Variants in SERAC1 observed in about 807,000 individuals in gnomAD.
The protein encoded by SERAC1 is protein SERAC1.
Under a neutral mutation model 85.7 loss-of-function variants are expected in SERAC1, and 36 were observed. The ratio of observed to expected loss-of-function variants is 0.42; its 90% CI spans 0.32 to 0.55. The LOEUF (loss-of-function observed/expected upper bound fraction) is 0.55. Ranked by LOEUF, SERAC1 falls within the 20% of genes least tolerant of loss-of-function variation. The pLI is 0.11. For synonymous variants in SERAC1, 242 were observed against 265.3 expected, an observed-to-expected ratio of 0.91 and a Z score of 0.85; for missense variants, 629 against 796.2, an observed-to-expected ratio of 0.79 and a Z score of 2.53.
rs1416647965 is a variant in SERAC1 at position 158,110,875 on chromosome 6, C to CT, written c.*490dup. On this transcript the variant is annotated 3_prime_UTR_variant, in exon 17 of 17. Transcript: ENST00000647468. Reference sequence around the variant, plus strand: ...GTGTCAGATAAAAGGTAGAACTGAGCTAAAAACTCAAACTTTAAAAATGTA... The same window carrying CT: ...GTGTCAGATAAAAGGTAGAACTGAGCTTAAAAACTCAAACTTTAAAAATGTA... 2 of 152,278 alleles carry CT rather than the reference C, an allele frequency of 1.3e-5. No homozygotes were observed. The highest frequency in any genetic ancestry group is 4.8e-5 in the African/African-American group (2 of 41,456). The allele number at this position is 152,278 out of a possible 1,614,324, so 9.4% of individuals were successfully genotyped here.
intron 1 of SERAC1, among the ~76,000 whole-genome samples, chr6:158,167,314 G>T (rs1785624497): frequency 6.7e-6 from 1 of 150,330 alleles, no homozygotes; most frequent in Admixed American, 6.6e-5. Flanking sequence ...CGAGGCGGGG[G>T]ATCACCTGAT....
intron 2 of SERAC1, among the ~76,000 whole-genome samples, chr6:158,155,872 C>T (rs1785319262): frequency 1.3e-5 from 2 of 152,276 alleles, no homozygotes; most frequent in South Asian, 4.1e-4. Context: ...AGGCCGGGTG[C>T]GGTGGCTCAC....
chr6:158,162,879 T>C (rs751251334), intron 1 of SERAC1, among the ~76,000 whole-genome samples: 1 of 152,158 alleles, frequency 6.6e-6, no homozygotes, highest in Non-Finnish European at 1.5e-5. Context: ...ATAACCATGA[T>C]CTTTGGTAGT....
chr6:158,111,334 A>AT lies in SERAC1; in HGVS notation c.*31dup. On this transcript the variant is annotated 3_prime_UTR_variant, in exon 17 of 17. Transcript: ENST00000647468. Reference sequence around the variant, plus strand: ...CAGAACACCAAGTTTCTTGCACTGAATTCACATATGAAAACTGGAAGAGCA... The same window carrying AT: ...CAGAACACCAAGTTTCTTGCACTGAATTTCACATATGAAAACTGGAAGAGCA... The AT allele has an allele frequency of 6.4e-7, 1 of 1,551,520 alleles. No individual in the cohort carries two copies. Among genetic ancestry groups the AT allele is most frequent in the Non-Finnish European group, 8.7e-7 (1 of 1,154,452 alleles).
rs1784122384 is a variant in SERAC1 at position 158,110,613 on chromosome 6, T to C, written c.*753A>G. On this transcript the variant is annotated 3_prime_UTR_variant, in exon 17 of 17. Transcript: ENST00000647468. Reference sequence around the variant, plus strand: ...AATCTGAGAATCTTGATACTAAGAATTGCTAATTCATATAATGGCTTAGAA... The same window carrying C: ...AATCTGAGAATCTTGATACTAAGAACTGCTAATTCATATAATGGCTTAGAA... 2 of 152,216 alleles carry C rather than the reference T, an allele frequency of 1.3e-5. No individual in the cohort carries two copies. Among genetic ancestry groups the C allele is most frequent in the Non-Finnish European group, 2.9e-5 (2 of 68,040 alleles). 9.4% of individuals were successfully genotyped at this position (152,216 alleles called of 1,614,324 possible).
chr6:158,118,877 T>C (rs969445921), intron 12 of SERAC1, 152 bp downstream of exon 12: 4 of 864,098 alleles, frequency 4.6e-6, no homozygotes, highest in Non-Finnish European at 6.9e-6. Flanking sequence ...ACAAGCCCAG[T>C]TGTTGTCAAA....
At chr6:158,126,894 GT>G (rs1222619142) in intron 10 of SERAC1, among the ~76,000 whole-genome samples, 2 of 151,888 alleles carry the variant, frequency 1.3e-5, no homozygotes, top group Non-Finnish European at 2.9e-5. Context: ...TCTACAAAAA[GT>G]TTTTCAAATT....
chr6:158,132,518 C>T (rs1374681324), intron 8 of SERAC1, among the ~76,000 whole-genome samples: 1 of 152,112 alleles, frequency 6.6e-6, no homozygotes, highest in Non-Finnish European at 1.5e-5. Context: ...ATCGCCACAT[C>T]CTGGCTCCCC....
chr6:158,113,997 C>G (rs139037673), intron 15 of SERAC1, among the ~76,000 whole-genome samples: 1 of 152,050 alleles, frequency 6.6e-6, no homozygotes, highest in Non-Finnish European at 1.5e-5. Flanking sequence ...AAAGAGCAAC[C>G]AAGAGGCACC....
In SERAC1 at chr6:158,117,368, A is replaced by G; in HGVS notation, c.1403+359T>C. 1.4e-6 allele frequency: 1 copy of G among 705,720 alleles called. No homozygotes were observed. Among genetic ancestry groups the G allele is most frequent in the East Asian group, 2.7e-5 (1 of 36,886 alleles). 43.7% of individuals were successfully genotyped at this position (705,720 alleles called of 1,614,324 possible). A position where few individuals can be genotyped will look rare whatever the true frequency, so the allele number is the denominator to read the frequency against. On this transcript the variant is annotated intron_variant, in intron 13 of 16. Coordinates refer to ENST00000647468, the MANE Select transcript of SERAC1 (RefSeq NM_032861.4). This position sits in a 1 kb window ranked among gnomAD's most constrained non-coding sequence, Gnocchi z 4.3. ...GAAATAGCAGCTGATATTTCTCAGCATCTTTCTCTTTGCTTCCTTTAGCCA... is the reference window on the plus strand; with the variant it reads ...GAAATAGCAGCTGATATTTCTCAGCGTCTTTCTCTTTGCTTCCTTTAGCCA...
At chr6:158,129,615 C>A (rs1784622215) in intron 9 of SERAC1, among the ~76,000 whole-genome samples, 1 of 151,932 alleles carries the variant, frequency 6.6e-6, no homozygotes, top group Non-Finnish European at 1.5e-5. Flanking sequence ...TTCTATGGTA[C>A]CAAAGAGTTT....
chr6:158,115,659 C>T (rs557701574), intron 14 of SERAC1, among the ~76,000 whole-genome samples: 5 of 152,212 alleles, frequency 3.3e-5, no homozygotes, highest in African/African-American at 1.2e-4. Context: ...CTGGGGGAGT[C>T]GCACACAGGG....
intron 1 of SERAC1, among the ~76,000 whole-genome samples, chr6:158,167,070 A>C (rs189283573): frequency 6.6e-6 from 1 of 152,226 alleles, no homozygotes; most frequent in African/African-American, 2.4e-5. Flanking sequence ...AATAAAAGAT[A>C]CTTGGGAAGA....
chr6:158,161,116 G>A (rs1288525771), intron 1 of SERAC1: 1 of 152,228 alleles, frequency 6.6e-6, no homozygotes, highest in Non-Finnish European at 1.5e-5. Context: ...GGTGACTCAT[G>A]CCTGCAATCC....
chr6:158,157,706 A>G (rs1317389357), intron 2 of SERAC1, among the ~76,000 whole-genome samples: 1 of 152,254 alleles, frequency 6.6e-6, no homozygotes. Flanking sequence ...CATGCCATGC[A>G]TGATAAATAA....
intron 10 of SERAC1, among the ~76,000 whole-genome samples, chr6:158,121,147 T>C (rs1480986584): frequency 2.0e-5 from 3 of 152,140 alleles, no homozygotes; most frequent in Admixed American, 6.5e-5. Context: ...TTTAATGTTT[T>C]TGTTTTTAAA....
chr6:158,130,223 A>C, intron 9 of SERAC1, 150 bp downstream of exon 9: 1 of 468,768 alleles, frequency 2.1e-6, no homozygotes, highest in Non-Finnish European at 3.8e-6. Flanking sequence ...TATTCTAACA[A>C]TTAAAATTGG....
chr6:158,125,530 G>T (rs145857133), intron 10 of SERAC1, among the ~76,000 whole-genome samples: 181 of 152,094 alleles, frequency 1.2e-3, no homozygotes, highest in African/African-American at 4.0e-3. Context: ...ACAGCCTCAG[G>T]TTACAGCAGC....
intron 6 of SERAC1, among the ~76,000 whole-genome samples, chr6:158,145,042 A>G (rs1272666248): frequency 1.3e-5 from 2 of 152,140 alleles, no homozygotes; most frequent in Non-Finnish European, 2.9e-5. Flanking sequence ...TCAGGAGTTC[A>G]AGACCAGCCT....
Sources: gnomAD v4.1 joint callset for allele counts (sites outside exome capture counted in the v4.1 genomes callset) on GRCh38, gnomAD v4.1.1 for gene constraint, Gnocchi (gnomAD v3.1) non-coding constraint, MANE v1.5 for transcripts, NCBI Gene and HGNC (gene_info 2026-07-23, HGNC 2026-07-21) for gene names.